GK5: variants seen among roughly 807,000 people sequenced by gnomAD.
GK5 encodes glycerol kinase 5.
GK5 carries 39 observed loss-of-function variants against 77.3 expected under a neutral mutation model. That is an observed-to-expected ratio of 0.50 (90% CI 0.39 to 0.66). The LOEUF is 0.66. Ranked by LOEUF, GK5 falls within the 30% of genes least tolerant of loss-of-function variation. The pLI, the probability that GK5 is intolerant of heterozygous loss-of-function variation, is 0.00. For missense variants in GK5, 487 were observed against 633.8 expected, an observed-to-expected ratio of 0.77 and a Z score of 2.49; for synonymous variants, 211 against 208.0, an observed-to-expected ratio of 1.01 and a Z score of -0.13.
intron 15 of GK5, among the ~76,000 whole-genome samples, chr3:142,167,570 G>C (rs1323230189): frequency 6.6e-6 from 1 of 152,098 alleles, no homozygotes; most frequent in Admixed American, 6.5e-5. Context: ...ATTTTATTAA[G>C]TATGTATAGA....
chr3:142,157,812 T>C lies in GK5; in HGVS notation c.*7810A>G, dbSNP rs1448291327. The C allele has an allele frequency of 6.6e-6, 1 of 152,208 alleles. No homozygotes were observed. 9.4% of individuals were successfully genotyped at this position (152,208 alleles called of 1,614,324 possible). ...TGCAAGAATGTAGAATATAGACTAA[T>C]AAGCCTAAATAGGATCTAAAAAGGC... is the stretch of plus-strand genomic sequence containing the variant. On this transcript the variant is annotated 3_prime_UTR_variant, in exon 16 of 16. Transcript: ENST00000392993.
Position 142,170,312 on chromosome 3 carries a change from A to G in GK5, c.1441+13T>C. On this transcript the variant is annotated intron_variant, in intron 15 of 15. Transcript: ENST00000392993. ...TGCAAGAAAACTCTCATTCTTATAAATTTCACACATACCAACAGCAAGGCC... is the reference window on the plus strand; with the variant it reads ...TGCAAGAAAACTCTCATTCTTATAAGTTTCACACATACCAACAGCAAGGCC... 1 of 1,613,634 alleles carries G rather than the reference A, an allele frequency of 6.2e-7. No homozygotes were observed. The highest frequency in any genetic ancestry group is 1.3e-5 in the African/African-American group (1 of 75,034).
chr3:142,199,165 T>C (rs768682747), intron 4 of GK5, among the ~76,000 whole-genome samples: 11 of 152,156 alleles, frequency 7.2e-5, no homozygotes, highest in Non-Finnish European at 1.0e-4. Flanking sequence ...AAATACCAGA[T>C]GCTCAGGTAC....
intron 3 of GK5, among the ~76,000 whole-genome samples, chr3:142,206,823 A>G (rs537723754): frequency 6.6e-6 from 1 of 152,288 alleles, no homozygotes; most frequent in Non-Finnish European, 1.5e-5. Flanking sequence ...TGTTCTGTGT[A>G]TAATTTGTGC....
chr3:142,224,142 C>T (rs537559706), intron 1 of GK5, among the ~76,000 whole-genome samples: 6 of 152,234 alleles, frequency 3.9e-5, no homozygotes, highest in Admixed American at 2.6e-4. Context: ...CAGTGGCTCA[C>T]GCCTGTAATC....
chr3:142,202,809 T>C (rs780270525), intron 4 of GK5, among the ~76,000 whole-genome samples: 32 of 152,014 alleles, frequency 2.1e-4, no homozygotes, highest in Non-Finnish European at 3.7e-4. Context: ...ACACAAAAAT[T>C]AGCCAGGCAT....
chr3:142,215,720 A>T (rs1394359390), intron 1 of GK5, 28 bp from the exon 2 acceptor site: 2 of 1,155,970 alleles, frequency 1.7e-6, no homozygotes, highest in East Asian at 4.7e-5. Context: ...ATTTAGTAAA[A>T]ACAGCATTAG....
At chr3:142,199,864 T>C (rs34765657) in intron 4 of GK5, among the ~76,000 whole-genome samples, 19,858 of 151,922 alleles carry the variant, frequency 0.13, 1,474 homozygotes, top group Middle Eastern at 0.21. Flanking sequence ...TTAAGAAGTA[T>C]TGCCCACTTC....
intron 2 of GK5, among the ~76,000 whole-genome samples, chr3:142,214,637 T>A (rs1394461883): frequency 6.6e-6 from 1 of 152,234 alleles, no homozygotes; most frequent in Non-Finnish European, 1.5e-5. Flanking sequence ...CATAAGAATG[T>A]GCTCTAGATG....
chr3:142,220,685 C>T (rs1560240875), intron 1 of GK5, among the ~76,000 whole-genome samples: 1 of 152,088 alleles, frequency 6.6e-6, no homozygotes. Context: ...TCATTTTATC[C>T]CCAGCATCTA....
chr3:142,187,510 C>T (rs138600381), intron 6 of GK5, among the ~76,000 whole-genome samples, 194 bp downstream of exon 6: 154 of 151,350 alleles, frequency 1.0e-3, no homozygotes, highest in Non-Finnish European at 1.8e-3. Context: ...GGGGCTGAAG[C>T]GGGAGGATCG....
chr3:142,186,218 A>G lies in GK5; in HGVS notation c.731T>C (p.Leu244Pro). 1 of 1,601,708 alleles carries G rather than the reference A, an allele frequency of 6.2e-7. No individual in the cohort carries two copies. ...ITSLISIPLS[L>P]LPPVRDTSHN... Reference sequence around the variant, plus strand: ...CCTTGTGTCCCTCACAGGAGGTAGGAGAGAAAGTGGTATCGAAATTAGAGA... The same window carrying G: ...CCTTGTGTCCCTCACAGGAGGTAGGGGAGAAAGTGGTATCGAAATTAGAGA... The change falls in exon 8 of 16, where the codon CTC (leucine) becomes CCC (proline). Residue 244 changes from leucine to proline, a missense_variant. Transcript: ENST00000392993.
chr3:142,171,349 T>TG, intron 14 of GK5, 70 bp downstream of exon 14: 1 of 1,318,594 alleles, frequency 7.6e-7, no homozygotes, highest in South Asian at 1.6e-5. Context: ...AAGAAATGAG[T>TG]GGTAGCTCAT....
chr3:142,166,556 C>G (rs2108778215), intron 15 of GK5, among the ~76,000 whole-genome samples: 1 of 151,248 alleles, frequency 6.6e-6, no homozygotes, highest in African/African-American at 2.4e-5. Context: ...TTTTTTGAGA[C>G]AGAGTCTCTT....
chr3:142,217,700 ACAC>A (rs2064291318), intron 1 of GK5, among the ~76,000 whole-genome samples: 1 of 152,224 alleles, frequency 6.6e-6, no homozygotes, highest in African/African-American at 2.4e-5. Context: ...CCAAAGCATT[ACAC>A]ACCCAGATAT....
At chr3:142,219,654 C>G (rs1023869575) in intron 1 of GK5, among the ~76,000 whole-genome samples, 2 of 152,156 alleles carry the variant, frequency 1.3e-5, no homozygotes, top group Admixed American at 1.3e-4. Context: ...TAACTATACA[C>G]CAAAAGTCGA....
chr3:142,176,876 T>C (rs2063620447), intron 12 of GK5, among the ~76,000 whole-genome samples: 1 of 152,086 alleles, frequency 6.6e-6, no homozygotes, highest in African/African-American at 2.4e-5. Flanking sequence ...TTAGCCAAGA[T>C]GGTCTCGATC....
intron 11 of GK5, among the ~76,000 whole-genome samples, chr3:142,177,824 G>C (rs2063637969): frequency 2.0e-5 from 3 of 151,792 alleles, no homozygotes; most frequent in African/African-American, 7.3e-5. Flanking sequence ...CTCTTAGATA[G>C]GCTCTGTATG....
At chr3:142,204,864 C>G in intron 3 of GK5, 76 bp from the exon 4 acceptor site, 4 of 786,102 alleles carry the variant, frequency 5.1e-6, no homozygotes, top group Non-Finnish European at 8.5e-6. Flanking sequence ...TAAGAGAAAA[C>G]AAAATTAGAG....
Sources: gnomAD v4.1 joint callset for allele counts (sites outside exome capture counted in the v4.1 genomes callset) on GRCh38, gnomAD v4.1.1 for gene constraint, MANE v1.5 for transcripts, NCBI Gene and HGNC (gene_info 2026-07-23, HGNC 2026-07-21) for gene names.